The following LCOR variants were observed in gnomAD, a reference collection of about 807,000 sequenced individuals.
LCOR encodes ligand-dependent corepressor.
Under a neutral mutation model 64.4 loss-of-function variants are expected in LCOR, and 14 were observed. The ratio of observed to expected loss-of-function variants is 0.22; its 90% CI spans 0.14 to 0.34. The LOEUF is 0.34. Ranked by LOEUF, LCOR falls within the 10% of genes least tolerant of loss-of-function variation. LCOR has a pLI of 1.00. For synonymous variants in LCOR, 643 were observed against 642.5 expected, an observed-to-expected ratio of 1.00 and a Z score of -0.01; for missense variants, 1,686 against 1,765.3, an observed-to-expected ratio of 0.96 and a Z score of 0.80.
chr10:96,965,695 C>G (rs1206123874), intron 7 of LCOR, among the ~76,000 whole-genome samples: 1 of 147,996 alleles, frequency 6.8e-6, no homozygotes, highest in Non-Finnish European at 1.5e-5. Flanking sequence ...GACGGGCTAT[C>G]TAGCTGTTTC....
chr10:96,836,992 T>G (rs1158954503), intron 2 of LCOR, among the ~76,000 whole-genome samples: 1 of 146,262 alleles, frequency 6.8e-6, no homozygotes, highest in African/African-American at 2.7e-5. Flanking sequence ...TGACACAGAT[T>G]CTTTTTTTTT....
At chr10:96,838,527 T>C (rs1474007883) in intron 2 of LCOR, among the ~76,000 whole-genome samples, 1 of 152,386 alleles carries the variant, frequency 6.6e-6, no homozygotes, top group Non-Finnish European at 1.5e-5. Flanking sequence ...ATTTGTTTTC[T>C]GTTTCTGTGG....
Position 96,984,325 on chromosome 10 carries a change from G to A in LCOR, c.3865G>A (p.Val1289Ile). ...TAATTCTGAAGACAGCATAGAGGAA[G>A]TCAAGGAAGATAGAAACAGTCATCC... The part of the protein sequence containing the change: ...GPNSEDSIEE[V>I]KEDRNSHPPA... Residue 1289 changes from valine (V) to isoleucine (I), a missense_variant, in exon 8 of 8, where the codon GTC becomes ATC. Val to Ile is a conservative substitution (Grantham distance 29). Coordinates refer to ENST00000421806, the MANE Select transcript of LCOR (RefSeq NM_001346516.2). 1 of 1,614,126 alleles carries A rather than the reference G, an allele frequency of 6.2e-7. No individual in the cohort carries two copies. The highest frequency in any genetic ancestry group is 1.1e-5 in the South Asian group (1 of 91,084).
intron 1 of LCOR, chr10:96,833,010 C>G: frequency 1.0e-6 from 1 of 985,420 alleles, no homozygotes; most frequent in Non-Finnish European, 1.2e-6. Context: ...TCACAGTCCC[C>G]GGGTGCGCCT....
At position 96,980,930 on chromosome 10, in the gene LCOR, A is replaced by C; in HGVS notation, c.470A>C (p.Gln157Pro). 2 of 702,964 alleles carry C rather than the reference A, an allele frequency of 2.8e-6. No homozygotes were observed. Among genetic ancestry groups the C allele is most frequent in the South Asian group, 1.5e-5 (1 of 67,578 alleles). The allele number at this position is 702,964 out of a possible 1,614,324, so 43.5% of individuals were successfully genotyped here. The change falls in exon 8 of 8, where the codon CAA becomes CCA. Residue 157 changes from glutamine to proline, a missense_variant. Coordinates refer to ENST00000421806, the MANE Select transcript of LCOR (RefSeq NM_001346516.2). The part of the protein sequence containing the change: ...RVLNDLYTES[Q>P]PGTEDLQPSD... ...CTGAACGACCTGTACACTGAATCTC[A>C]ACCAGGCACTGAGGACCTGCAGCCT...
At chr10:96,920,777 C>CAT (rs1300595058) in intron 4 of LCOR, among the ~76,000 whole-genome samples, 4 of 124,854 alleles carry the variant, frequency 3.2e-5, no homozygotes, top group African/African-American at 1.7e-4. Context: ...CACACACACA[C>CAT]ACACACACAC....
At chr10:96,940,162 A>G (rs1286326712) in intron 4 of LCOR, among the ~76,000 whole-genome samples, 6 of 152,254 alleles carry the variant, frequency 3.9e-5, no homozygotes, top group Admixed American at 1.3e-4. Context: ...TGGAGAAGTC[A>G]GAACCCTTAT....
chr10:96,984,167 A>G lies in LCOR; in HGVS notation c.3707A>G (p.Lys1236Arg). ...YPSSLQAERL[K>R]KHLKKFPGAT... ...AGTTCACTACAGGCTGAGCGCTTGA[A>G]AAAGCACTTGAAGAAATTTCCTGGA... Residue 1236 changes from lysine to arginine, a missense_variant, in exon 8 of 8, where the codon AAA becomes AGA. Coordinates refer to ENST00000421806, the MANE Select transcript of LCOR (RefSeq NM_001346516.2). 1 of 1,614,170 alleles carries G rather than the reference A, an allele frequency of 6.2e-7. No individual in the cohort carries two copies. Among genetic ancestry groups the G allele is most frequent in the Non-Finnish European group, 8.5e-7 (1 of 1,180,018 alleles).
At chr10:96,876,156 C>T (rs575894252) in intron 2 of LCOR, among the ~76,000 whole-genome samples, 138 of 152,222 alleles carry the variant, frequency 9.1e-4, no homozygotes, top group Non-Finnish European at 1.6e-3. Context: ...TTCTTAATAG[C>T]TGTGAAGTCT....
intron 2 of LCOR, among the ~76,000 whole-genome samples, chr10:96,875,971 T>C (rs1240687354): frequency 1.3e-5 from 2 of 151,040 alleles, no homozygotes; most frequent in African/African-American, 2.4e-5. Flanking sequence ...GACCGACTTA[T>C]AAATAGCTAA....
At chr10:96,912,053 T>TCC (rs1846846789) in intron 4 of LCOR, among the ~76,000 whole-genome samples, 2 of 152,136 alleles carry the variant, frequency 1.3e-5, no homozygotes, top group South Asian at 4.2e-4. Flanking sequence ...TACCTCAGTC[T>TCC]CCCGAGTAGC....
intron 4 of LCOR, among the ~76,000 whole-genome samples, chr10:96,934,089 A>G (rs1330382595): frequency 6.6e-6 from 1 of 152,232 alleles, no homozygotes; most frequent in Non-Finnish European, 1.5e-5. Context: ...TCTAAATACA[A>G]CAACTCTTAT....
intron 2 of LCOR, among the ~76,000 whole-genome samples, chr10:96,840,873 C>T (rs1845528004): frequency 6.6e-6 from 1 of 152,248 alleles, no homozygotes; most frequent in East Asian, 1.9e-4. Context: ...CCAGGTGGCT[C>T]ACGCCTGTAA....
At chr10:96,909,237 C>T (rs1053580642) in intron 4 of LCOR, among the ~76,000 whole-genome samples, 1 of 152,178 alleles carries the variant, frequency 6.6e-6, no homozygotes, top group Non-Finnish European at 1.5e-5. Flanking sequence ...ATGACTTTCT[C>T]ATTGTCTTCT....
chr10:96,983,746 C>T lies in LCOR; in HGVS notation c.3286C>T (p.Pro1096Ser), dbSNP rs1478173878. The change falls in exon 8 of 8, where the codon CCA (proline) becomes TCA (serine). Residue 1096 changes from proline to serine, a missense_variant. Physicochemically the swap from Pro to Ser is moderately conservative, Grantham distance 74 (BLOSUM62 -1). Coordinates refer to ENST00000421806, the MANE Select transcript of LCOR (RefSeq NM_001346516.2). The surrounding 1 kb of genome is among the most constrained non-coding windows in gnomAD (Gnocchi z 4.5). The part of the protein sequence containing the change: ...DDVDTVVDEQ[P>S]KFMEWCAEEE... ...TGTTGACACCGTGGTAGATGAACAG[C>T]CAAAGTTTATGGAATGGTGTGCTGA... 1 of 1,614,094 alleles carries T rather than the reference C, an allele frequency of 6.2e-7. No individual in the cohort carries two copies. Among genetic ancestry groups the T allele is most frequent in the East Asian group, 2.2e-5 (1 of 44,886 alleles).
At chr10:96,915,867 C>T in intron 4 of LCOR, 2 of 482,382 alleles carry the variant, frequency 4.1e-6, no homozygotes, top group South Asian at 1.8e-5. Context: ...TTGGCATTAT[C>T]TCCTTTAGCA....
chr10:96,887,397 A>G (rs1244844068), intron 2 of LCOR, among the ~76,000 whole-genome samples: 3 of 151,946 alleles, frequency 2.0e-5, no homozygotes, highest in Admixed American at 6.6e-5. Flanking sequence ...CCCCGTCTCT[A>G]CTAAAAATAC....
chr10:96,901,926 C>T (rs1846645256), intron 2 of LCOR, among the ~76,000 whole-genome samples: 1 of 152,116 alleles, frequency 6.6e-6, no homozygotes, highest in Non-Finnish European at 1.5e-5. Flanking sequence ...TGTGCCACCA[C>T]CCTGGGCTAA....
intron 4 of LCOR, 33 bp from the exon 5 acceptor site, chr10:96,944,080 T>C (rs1847545732): frequency 1.0e-5 from 10 of 985,302 alleles, no homozygotes; most frequent in Non-Finnish European, 1.1e-5. Flanking sequence ...GGGAAAGACG[T>C]GTGTGCAACT....
Sources: allele counts gnomAD v4.1 joint callset (sites outside exome capture counted in the v4.1 genomes callset), GRCh38; gene constraint gnomAD v4.1.1; non-coding constraint Gnocchi (gnomAD v3.1); transcripts MANE v1.5; gene names NCBI Gene and HGNC (gene_info 2026-07-23, HGNC 2026-07-21).